Variants in NCK2 observed in about 807,000 individuals in gnomAD.
NCK2 encodes the protein cytoplasmic protein NCK2.
NCK2 carries 16 observed loss-of-function variants against 33.9 expected under a neutral mutation model. That is an observed-to-expected ratio of 0.47 (90% confidence interval 0.32 to 0.72). The LOEUF (loss-of-function observed/expected upper bound fraction) is 0.72. Among genes scored for constraint, NCK2 ranks in the 30% least tolerant of loss-of-function variants. The pLI is 0.03. For synonymous variants in NCK2, 273 were observed against 239.9 expected (o/e 1.14, Z -1.27); for missense variants, 418 against 537.3 (o/e 0.78, Z 2.19).
At chr2:105,862,451 C>A (rs772483265) in intron 3 of NCK2, among the ~76,000 whole-genome samples, 3 of 152,194 alleles carry the variant, frequency 2.0e-5, no homozygotes, top group Non-Finnish European at 4.4e-5. Context: ...CCTGAGAACA[C>A]AGCAGTCACA....
rs140270476 is a variant in NCK2 at position 105,837,952 on chromosome 2, T to C, written c.-16-17096T>C. Among the ~76,000 whole-genome samples the C allele has an allele frequency of 1.1e-3, 168 of 152,360 alleles. 1 individual carries two copies. Among genetic ancestry groups the C allele is most frequent in the African/African-American group, 3.8e-3 (160 of 41,584 alleles). On this transcript the variant is annotated intron_variant, in intron 2 of 4. Transcript: ENST00000233154. ...TGTTGTTGAATTGTAGGAGTTCTTA[T>C]ATATTCAACACCAGTCCTGTACGAT... is the stretch of plus-strand genomic sequence containing the variant.
intron 1 of NCK2, among the ~76,000 whole-genome samples, chr2:105,756,010 T>C (rs1432484515): frequency 6.6e-6 from 1 of 152,268 alleles, no homozygotes. Context: ...CTAATCTGGC[T>C]GTTAGTCGCT....
At chr2:105,815,389 A>G (rs1675443037) in intron 1 of NCK2, among the ~76,000 whole-genome samples, 1 of 152,184 alleles carries the variant, frequency 6.6e-6, no homozygotes, top group Non-Finnish European at 1.5e-5. Flanking sequence ...TGGGGTATTT[A>G]ACATTTTGGA....
chr2:105,765,437 G>A (rs1265247345), intron 1 of NCK2, among the ~76,000 whole-genome samples: 8 of 152,136 alleles, frequency 5.3e-5, no homozygotes. Flanking sequence ...CCGGCCCCAC[G>A]GCCAGTTCTT....
At chr2:105,858,965 A>G (rs1677402525) in intron 3 of NCK2, among the ~76,000 whole-genome samples, 1 of 152,218 alleles carries the variant, frequency 6.6e-6, no homozygotes, top group Non-Finnish European at 1.5e-5. Context: ...AATGATCAAG[A>G]ACTGTTTCTG....
intron 1 of NCK2, among the ~76,000 whole-genome samples, chr2:105,794,200 C>T (rs1454318773): frequency 2.0e-5 from 3 of 151,918 alleles, no homozygotes; most frequent in Non-Finnish European, 4.4e-5. Flanking sequence ...AGGCGCCTGC[C>T]ACCACGCTGG....
At chr2:105,807,284 G>T (rs1403915562) in intron 1 of NCK2, among the ~76,000 whole-genome samples, 1 of 152,170 alleles carries the variant, frequency 6.6e-6, no homozygotes, top group East Asian at 1.9e-4. Flanking sequence ...ATTCATAGGT[G>T]GTTCTAAAAT....
intron 2 of NCK2, among the ~76,000 whole-genome samples, chr2:105,828,917 C>T (rs904062930): frequency 3.3e-5 from 5 of 152,192 alleles, no homozygotes; most frequent in African/African-American, 1.2e-4. Flanking sequence ...TCTGAGGCTT[C>T]CACCTTTCCC....
chr2:105,767,677 G>T (rs748708999), intron 1 of NCK2, among the ~76,000 whole-genome samples: 17 of 152,180 alleles, frequency 1.1e-4, no homozygotes, highest in Non-Finnish European at 1.9e-4. Flanking sequence ...AAGAAGAACC[G>T]CAGCCCCTAG....
chr2:105,854,877 C>A, intron 2 of NCK2, 171 bp from the exon 3 acceptor site: 1 of 570,570 alleles, frequency 1.8e-6, no homozygotes, highest in South Asian at 2.3e-5. Context: ...AAACCAAATA[C>A]TAAAGCTTGT....
intron 2 of NCK2, among the ~76,000 whole-genome samples, chr2:105,844,746 G>GATA (rs1558866415): frequency 2.7e-4 from 10 of 37,188 alleles, no homozygotes; most frequent in African/African-American, 1.1e-3. Context: ...GGGCGGGGGG[G>GATA]GATATATATA....
chr2:105,885,082 A>G (rs1181104615), intron 4 of NCK2, among the ~76,000 whole-genome samples: 5 of 152,194 alleles, frequency 3.3e-5, no homozygotes, highest in Admixed American at 3.3e-4. Flanking sequence ...TAAACTGTAC[A>G]AGTTGTCAAT....
At chr2:105,856,919 A>G (rs529602068) in intron 3 of NCK2, 1 of 152,360 alleles carries the variant, frequency 6.6e-6, no homozygotes, top group South Asian at 2.1e-4. Context: ...TGAATAGAGA[A>G]AAACTTGAAG....
chr2:105,837,909 T>C (rs1676493167), intron 2 of NCK2, among the ~76,000 whole-genome samples: 1 of 152,244 alleles, frequency 6.6e-6, no homozygotes, highest in African/African-American at 2.4e-5. Flanking sequence ...TGCTGCCTAA[T>C]TGAGTTATTG....
chr2:105,865,075 A>G (rs1265200354), intron 3 of NCK2, among the ~76,000 whole-genome samples: 1 of 151,962 alleles, frequency 6.6e-6, no homozygotes, highest in African/African-American at 2.4e-5. Context: ...GTGCTCCCTG[A>G]CCTCCCTGCT....
At chr2:105,760,950 G>A (rs990168770) in intron 1 of NCK2, among the ~76,000 whole-genome samples, 2 of 152,214 alleles carry the variant, frequency 1.3e-5, no homozygotes, top group Admixed American at 1.3e-4. Context: ...GGTTGAAGTG[G>A]GAGGGCAGTG....
intron 2 of NCK2, among the ~76,000 whole-genome samples, chr2:105,819,248 G>A (rs578028903): frequency 5.3e-5 from 8 of 151,834 alleles, no homozygotes; most frequent in South Asian, 2.1e-4. Context: ...AGACACCATC[G>A]GGGTGTTCCT....
intron 1 of NCK2, among the ~76,000 whole-genome samples, chr2:105,756,932 A>T (rs1689614936): frequency 6.6e-6 from 1 of 152,064 alleles, no homozygotes; most frequent in African/African-American, 2.4e-5. Context: ...CAGCCTCCCG[A>T]GTAGCTGGGA....
chr2:105,831,437 A>G (rs538419351), intron 2 of NCK2, among the ~76,000 whole-genome samples: 69 of 150,298 alleles, frequency 4.6e-4, no homozygotes, highest in African/African-American at 1.7e-3. Flanking sequence ...CTTTTTGATA[A>G]TATCATTCTA....
Sources: gnomAD v4.1 joint callset for allele counts (sites outside exome capture counted in the v4.1 genomes callset) on GRCh38, gnomAD v4.1.1 for gene constraint, MANE v1.5 for transcripts, NCBI Gene and HGNC (gene_info 2026-07-23, HGNC 2026-07-21) for gene names.